Variants in NFIB observed in about 807,000 individuals in gnomAD.
NFIB encodes the protein nuclear factor I B.
A neutral mutation model predicts 61.5 loss-of-function variants in NFIB; 11 were observed. The observed-to-expected ratio is 0.18, with a 90% CI of 0.11 to 0.30. The LOEUF (loss-of-function observed/expected upper bound fraction) is 0.30. Ranked by LOEUF, NFIB falls within the 10% of genes least tolerant of loss-of-function variation. The pLI, the probability that NFIB is intolerant of heterozygous loss-of-function variation, is 1.00. For missense variants in NFIB, 471 were observed against 608.9 expected (o/e 0.77, Z 2.38); for synonymous variants, 260 against 216.5 (o/e 1.20, Z -1.76).
At chr9:14,282,747 G>T (rs1011016207) in intron 2 of NFIB, among the ~76,000 whole-genome samples, 3 of 152,196 alleles carry the variant, frequency 2.0e-5, no homozygotes, top group Admixed American at 2.0e-4. Context: ...AAAGCTACCA[G>T]ACTAATGAGT....
chr9:14,147,636 C>T (rs999034135), intron 5 of NFIB, among the ~76,000 whole-genome samples: 17 of 108,640 alleles, frequency 1.6e-4, no homozygotes, highest in East Asian at 2.9e-4. Context: ...TAAAATGATA[C>T]TTTTTTTTTT....
chr9:14,150,649 T>C (rs575601988), intron 4 of NFIB, among the ~76,000 whole-genome samples: 2 of 152,188 alleles, frequency 1.3e-5, no homozygotes, highest in Non-Finnish European at 2.9e-5. Flanking sequence ...TTGCACTACC[T>C]AGGCTCTCGA....
At chr9:14,461,666 T>C in the NFIB span, among the ~76,000 whole-genome samples, 4 of 152,184 alleles carry the variant, frequency 2.6e-5, no homozygotes, top group African/African-American at 9.7e-5. Flanking sequence ...CTCTTTTATG[T>C]ATGGTAAGAA....
At chr9:14,521,950 T>C in the NFIB span, among the ~76,000 whole-genome samples, 4 of 152,306 alleles carry the variant, frequency 2.6e-5, no homozygotes, top group South Asian at 4.1e-4. Flanking sequence ...ATGCTATTGT[T>C]TGGAATTCCC....
At chr9:14,504,685 T>A in the NFIB span, among the ~76,000 whole-genome samples, 1 of 152,194 alleles carries the variant, frequency 6.6e-6, no homozygotes, top group Non-Finnish European at 1.5e-5. Flanking sequence ...TAATTTTGTA[T>A]CCTGAAGCTT....
Position 14,084,786 on chromosome 9 carries a change from GA to G in NFIB, c.*3522del, listed in dbSNP as rs1563766130. On this transcript the variant is annotated 3_prime_UTR_variant, in exon 11 of 11. Transcript: ENST00000380953. ...CTTCCTGGTACACGAGGAGGAGGCC[GA>G]AAAGTTGATTTGAGATTTTATATAT... is the stretch of plus-strand genomic sequence containing the variant. 4.4e-6 allele frequency: 1 copy of G among 227,930 alleles called. No homozygotes were observed. Among genetic ancestry groups the G allele is most frequent in the Non-Finnish European group, 8.7e-6 (1 of 114,882 alleles). The allele number at this position is 227,930 out of a possible 1,614,324, so 14.1% of individuals were successfully genotyped here.
chr9:14,409,289 C>A, the NFIB span, among the ~76,000 whole-genome samples: 29 of 152,242 alleles, frequency 1.9e-4, no homozygotes, highest in African/African-American at 7.0e-4. Context: ...TGTTTAACAA[C>A]TGGCTGGCAA....
the NFIB span, among the ~76,000 whole-genome samples, chr9:14,443,722 C>T: frequency 6.6e-6 from 1 of 152,210 alleles, no homozygotes; most frequent in Non-Finnish European, 1.5e-5. Flanking sequence ...TAATTTTCCA[C>T]ATGTACAAAG....
the NFIB span, among the ~76,000 whole-genome samples, chr9:14,434,043 T>C: frequency 2.0e-5 from 3 of 152,194 alleles, no homozygotes; most frequent in Admixed American, 6.5e-5. Flanking sequence ...CTAAGCTTTC[T>C]CTAAGAGCTA....
At chr9:14,499,449 G>C in the NFIB span, among the ~76,000 whole-genome samples, 8 of 152,156 alleles carry the variant, frequency 5.3e-5, no homozygotes, top group African/African-American at 1.9e-4. Context: ...GGGGTGTTTA[G>C]CTTGGGCCCA....
At chr9:14,158,727 G>A (rs1196513821) in intron 3 of NFIB, among the ~76,000 whole-genome samples, 1 of 152,158 alleles carries the variant, frequency 6.6e-6, no homozygotes, top group African/African-American at 2.4e-5. Flanking sequence ...TTATTCCCTA[G>A]AACTTGTTTG....
At chr9:14,138,729 T>G (rs567820592) in intron 6 of NFIB, among the ~76,000 whole-genome samples, 3 of 152,260 alleles carry the variant, frequency 2.0e-5, no homozygotes, top group African/African-American at 7.2e-5. Context: ...ACTTTACAAT[T>G]CTACTTTCAA....
At chr9:14,367,598 T>A (rs1025027415) in intron 1 of NFIB, among the ~76,000 whole-genome samples, 3 of 152,116 alleles carry the variant, frequency 2.0e-5, no homozygotes, top group Non-Finnish European at 1.5e-5. Context: ...GAGCAATTGA[T>A]ACATGAGAGG....
At chr9:14,265,393 C>G (rs1450000713) in intron 2 of NFIB, among the ~76,000 whole-genome samples, 2 of 152,080 alleles carry the variant, frequency 1.3e-5, no homozygotes, top group African/African-American at 4.8e-5. Flanking sequence ...GGGTGGGGCC[C>G]TAATATGACA....
At chr9:14,164,096 T>A in intron 3 of NFIB, among the ~76,000 whole-genome samples, 1 of 148,532 alleles carries the variant, frequency 6.7e-6, no homozygotes, top group African/African-American at 2.5e-5. Flanking sequence ...ACATAAAAGC[T>A]GAAATTAACA....
intron 1 of NFIB, among the ~76,000 whole-genome samples, chr9:14,346,288 A>ACCCCCCCC (rs1455937583): frequency 5.6e-5 from 4 of 72,032 alleles, no homozygotes; most frequent in Non-Finnish European, 1.5e-4. Flanking sequence ...GAGGTAACCG[A>ACCCCCCCC]CACCCCCCCC....
At chr9:14,305,886 C>A in intron 2 of NFIB, 1 of 806,828 alleles carries the variant, frequency 1.2e-6, no homozygotes, top group Non-Finnish European at 1.7e-6. Context: ...AAATGACCTA[C>A]CATCTGTGAC....
the NFIB span, among the ~76,000 whole-genome samples, chr9:14,440,356 G>T: frequency 2.6e-5 from 4 of 152,190 alleles, no homozygotes; most frequent in African/African-American, 9.7e-5. Flanking sequence ...GCTGCAGAAG[G>T]AGCTGATACC....
chr9:14,498,904 G>T, the NFIB span, among the ~76,000 whole-genome samples: 2 of 151,532 alleles, frequency 1.3e-5, no homozygotes, highest in Non-Finnish European at 2.9e-5. Flanking sequence ...GCTCTGTGCT[G>T]AGCACTGGAG....
Sources: gnomAD v4.1 joint callset for allele counts (sites outside exome capture counted in the v4.1 genomes callset) on GRCh38, gnomAD v4.1.1 for gene constraint, MANE v1.5 for transcripts, NCBI Gene and HGNC (gene_info 2026-07-23, HGNC 2026-07-21) for gene names.